The following DCLK1 variants were observed in gnomAD, a reference collection of about 807,000 sequenced individuals.
The protein encoded by DCLK1 is doublecortin like kinase 1, also known as serine/threonine-protein kinase DCLK1.
Under a neutral mutation model 86.2 loss-of-function variants are expected in DCLK1, and 16 were observed. The ratio of observed to expected loss-of-function variants is 0.19; its 90% confidence interval spans 0.13 to 0.28. The LOEUF is 0.28. DCLK1 is among the 10% of genes least tolerant of loss of function. The pLI is 1.00. For missense variants in DCLK1, 590 were observed against 940.2 expected, an observed-to-expected ratio of 0.63 and a Z score of 4.87; for synonymous variants, 369 against 370.5, an observed-to-expected ratio of 1.00 and a Z score of 0.05.
chr13:35,914,369 G>A (rs7328312), intron 4 of DCLK1, among the ~76,000 whole-genome samples: 6,458 of 117,374 alleles, frequency 0.055, 222 homozygotes, highest in South Asian at 0.13. Flanking sequence ...ATATATATAT[G>A]TATATATATA....
chr13:35,899,882 G>A (rs932657340), intron 4 of DCLK1, among the ~76,000 whole-genome samples: 23 of 152,018 alleles, frequency 1.5e-4, no homozygotes, highest in African/African-American at 4.6e-4. Flanking sequence ...TATAATACAC[G>A]CTGTTTCTAA....
At chr13:36,122,086 T>C (rs963335524) in intron 2 of DCLK1, among the ~76,000 whole-genome samples, 2 of 152,098 alleles carry the variant, frequency 1.3e-5, no homozygotes, top group East Asian at 1.9e-4. Flanking sequence ...AGGAGAGGCA[T>C]AGAGAAAGCC....
At chr13:35,927,638 C>T (rs571908863) in intron 4 of DCLK1, among the ~76,000 whole-genome samples, 15 of 152,290 alleles carry the variant, frequency 9.8e-5, no homozygotes, top group Middle Eastern at 3.4e-3. Context: ...TGGCAGGGAG[C>T]TTCTAAACCC....
At chr13:35,975,633 G>A (rs183444524) in intron 3 of DCLK1, among the ~76,000 whole-genome samples, 15 of 151,458 alleles carry the variant, frequency 9.9e-5, no homozygotes, top group Admixed American at 2.6e-4. Flanking sequence ...GAGGAGGCAC[G>A]ACTGTGCCCT....
intron 4 of DCLK1, among the ~76,000 whole-genome samples, chr13:35,943,003 T>C (rs1289200647): frequency 4.6e-5 from 7 of 152,230 alleles, no homozygotes; most frequent in African/African-American, 1.7e-4. Context: ...CTTTTTTAGG[T>C]TGAATTTTGT....
chr13:35,924,971 A>C (rs766678925), intron 4 of DCLK1, among the ~76,000 whole-genome samples: 2 of 152,240 alleles, frequency 1.3e-5, no homozygotes, highest in Non-Finnish European at 2.9e-5. Flanking sequence ...TGGCCCAAGA[A>C]GGCTAAAATA....
chr13:35,837,423 G>T (rs1051664397), intron 7 of DCLK1, among the ~76,000 whole-genome samples: 1 of 152,060 alleles, frequency 6.6e-6, no homozygotes, highest in African/African-American at 2.4e-5. Flanking sequence ...AGAATAAAGT[G>T]AGGGCTGCAG....
intron 3 of DCLK1, among the ~76,000 whole-genome samples, chr13:36,034,011 GC>G (rs1248469862): frequency 5.3e-5 from 8 of 152,130 alleles, no homozygotes; most frequent in Non-Finnish European, 1.0e-4. Flanking sequence ...GAGCAATGGG[GC>G]CATCCTTTAA....
chr13:35,839,102 G>A lies in DCLK1; in HGVS notation c.1110C>T (p.Gly370=). The A allele has an allele frequency of 6.3e-7, 1 of 1,599,022 alleles. No individual in the cohort carries two copies. The highest frequency in any genetic ancestry group is 8.5e-7 in the Non-Finnish European group (1 of 1,172,966). Residue 370 remains glycine (G), a synonymous_variant, in exon 7 of 17, where the codon GGC becomes GGT. Coordinates refer to ENST00000360631, the MANE Select transcript of DCLK1 (RefSeq NM_001330071.2). ...KVCSSMDEND[G]PGEEVSEEGF... ...TCCCAAGCTCATCACCTTCTCCAGGGCCATCGTTCTCATCCATCGAGCTGC... is the reference window on the plus strand; with the variant it reads ...TCCCAAGCTCATCACCTTCTCCAGGACCATCGTTCTCATCCATCGAGCTGC...
chr13:35,816,449 C>A (rs2087268190), intron 11 of DCLK1, among the ~76,000 whole-genome samples: 1 of 152,120 alleles, frequency 6.6e-6, no homozygotes, highest in Admixed American at 6.6e-5. Context: ...TTCCATATGG[C>A]ACCATATTAG....
At chr13:35,805,623 T>A in intron 15 of DCLK1, 76 bp downstream of exon 15, 1 of 1,437,808 alleles carries the variant, frequency 7.0e-7, no homozygotes, top group Admixed American at 1.8e-5. Context: ...AAGGAGGCAA[T>A]AACATTAGAA....
At chr13:35,879,518 T>C (rs1872765805) in intron 4 of DCLK1, among the ~76,000 whole-genome samples, 1 of 152,186 alleles carries the variant, frequency 6.6e-6, no homozygotes, top group Non-Finnish European at 1.5e-5. Context: ...AAAGTTCATC[T>C]TTTCCTACAT....
At chr13:35,878,337 T>C (rs1872701038) in intron 4 of DCLK1, among the ~76,000 whole-genome samples, 1 of 152,186 alleles carries the variant, frequency 6.6e-6, no homozygotes, top group Non-Finnish European at 1.5e-5. Flanking sequence ...CTGAGGCCCA[T>C]CTGGTTTCTT....
At chr13:36,107,560 T>C (rs986633330) in intron 3 of DCLK1, among the ~76,000 whole-genome samples, 1 of 152,152 alleles carries the variant, frequency 6.6e-6, no homozygotes, top group Non-Finnish European at 1.5e-5. Context: ...GTAGATAAGA[T>C]AGGGATGTGC....
intron 3 of DCLK1, among the ~76,000 whole-genome samples, chr13:36,047,833 G>T (rs1355965912): frequency 1.3e-5 from 2 of 152,184 alleles, no homozygotes; most frequent in African/African-American, 4.8e-5. Flanking sequence ...GCTCATGCCT[G>T]TAATCCCAGC....
chr13:35,830,040 G>A (rs1348943106), intron 8 of DCLK1, among the ~76,000 whole-genome samples: 1 of 152,168 alleles, frequency 6.6e-6, no homozygotes, highest in Non-Finnish European at 1.5e-5. Flanking sequence ...GCAAGACTGT[G>A]GGGTAGAGGA....
chr13:36,099,549 C>T (rs1363815793), intron 3 of DCLK1, among the ~76,000 whole-genome samples: 1 of 152,170 alleles, frequency 6.6e-6, no homozygotes, highest in Non-Finnish European at 1.5e-5. Context: ...CCCAAGTCTT[C>T]CACTGCCCAC....
chr13:35,940,555 C>T (rs966192089), intron 4 of DCLK1, among the ~76,000 whole-genome samples: 4 of 152,106 alleles, frequency 2.6e-5, no homozygotes, highest in Non-Finnish European at 5.9e-5. Context: ...AGCCTCAGGA[C>T]AAAGCAGCAG....
At chr13:36,121,924 G>T (rs1030424524) in intron 2 of DCLK1, among the ~76,000 whole-genome samples, 6 of 151,906 alleles carry the variant, frequency 3.9e-5, no homozygotes, top group Admixed American at 1.3e-4. Context: ...TGGGAAACAT[G>T]GCAAAACCCT....
Sources: allele counts gnomAD v4.1 joint callset (sites outside exome capture counted in the v4.1 genomes callset), GRCh38; gene constraint gnomAD v4.1.1; transcripts MANE v1.5; gene names NCBI Gene and HGNC (gene_info 2026-07-23, HGNC 2026-07-21).